Variants in DAB1 observed in about 807,000 individuals in gnomAD.
DAB1 encodes disabled homolog 1.
A neutral mutation model predicts 64.6 loss-of-function variants in DAB1; 15 were observed. The observed-to-expected ratio is 0.23, with a 90% CI of 0.16 to 0.36. DAB1 has a LOEUF of 0.36. Ranked by LOEUF, DAB1 falls within the 10% of genes least tolerant of loss-of-function variation. The pLI is 1.00. For missense variants in DAB1, 596 were observed against 706.7 expected (o/e 0.84, Z 1.78); for synonymous variants, 235 against 251.9 (o/e 0.93, Z 0.64).
chr1:58,514,553 T>G (rs1375122187), intron 2 of DAB1, among the ~76,000 whole-genome samples: 1 of 152,128 alleles, frequency 6.6e-6, no homozygotes, highest in South Asian at 2.1e-4. Flanking sequence ...AATCTGAATC[T>G]TTTTTTAGGA....
At chr1:58,022,216 A>G (rs148573588) in intron 5 of DAB1, among the ~76,000 whole-genome samples, 113 of 152,306 alleles carry the variant, frequency 7.4e-4, no homozygotes, top group Non-Finnish European at 1.2e-3. Flanking sequence ...ATTGAGTGCC[A>G]ACCCATTGCA....
chr1:57,407,221 A>G (rs1015556696), intron 1 of DAB1, among the ~76,000 whole-genome samples: 1 of 152,218 alleles, frequency 6.6e-6, no homozygotes, highest in Non-Finnish European at 1.5e-5. Context: ...ACAAAATGTC[A>G]AACTGTCTCC....
intron 3 of DAB1, among the ~76,000 whole-genome samples, chr1:58,404,000 G>A (rs1447658272): frequency 5.3e-5 from 8 of 152,202 alleles, no homozygotes; most frequent in South Asian, 2.1e-4. Flanking sequence ...AAGATTCCAA[G>A]GAACATTTGT....
intron 6 of DAB1, among the ~76,000 whole-genome samples, chr1:57,686,433 C>T (rs914072643): frequency 3.3e-5 from 5 of 151,950 alleles, no homozygotes; most frequent in African/African-American, 9.7e-5. Flanking sequence ...AAAGAAAAAC[C>T]GCGGACCAGA....
intron 5 of DAB1, among the ~76,000 whole-genome samples, chr1:58,015,409 C>T (rs1646724649): frequency 6.6e-6 from 1 of 152,118 alleles, no homozygotes; most frequent in Admixed American, 6.6e-5. Flanking sequence ...AATTCTGTTT[C>T]TTGACTCTGA....
chr1:58,018,922 G>A (rs1646780074), intron 5 of DAB1, among the ~76,000 whole-genome samples: 2 of 152,184 alleles, frequency 1.3e-5, no homozygotes, highest in Admixed American at 1.3e-4. Flanking sequence ...GAGCATTAAG[G>A]TGACATTTGA....
At chr1:57,054,324 G>A (rs906914727) in intron 9 of DAB1, among the ~76,000 whole-genome samples, 10 of 152,100 alleles carry the variant, frequency 6.6e-5, no homozygotes, top group Non-Finnish European at 1.5e-4. Flanking sequence ...AGGCACTTGA[G>A]TGGCCCTGTG....
intron 4 of DAB1, among the ~76,000 whole-genome samples, chr1:58,249,843 T>C (rs1222103701): frequency 6.6e-6 from 1 of 152,120 alleles, no homozygotes; most frequent in East Asian, 1.9e-4. Flanking sequence ...GGCCACAACT[T>C]GGGCGGCTCT....
chr1:57,938,028 G>C (rs751064734), intron 5 of DAB1, among the ~76,000 whole-genome samples: 1 of 152,212 alleles, frequency 6.6e-6, no homozygotes, highest in Non-Finnish European at 1.5e-5. Context: ...GCCATGTTCA[G>C]AGAACATTCT....
chr1:57,198,794 G>A (rs1228219944), intron 2 of DAB1, among the ~76,000 whole-genome samples: 3 of 152,032 alleles, frequency 2.0e-5, no homozygotes, highest in Non-Finnish European at 4.4e-5. Context: ...TCAAAGGAGA[G>A]AAAAAGGAAA....
At position 58,305,409 on chromosome 1, in the gene DAB1, A is replaced by C. The variant is rs144805090; in HGVS notation, n.309+37943T>G. 2.2e-3 allele frequency among the ~76,000 whole-genome samples: 340 copies of C among 152,334 alleles called. 4 individuals are homozygous for C. Among genetic ancestry groups the C allele is most frequent in the Admixed American group, 5.0e-3 (77 of 15,294 alleles). ...TTATTTTGTTTATTTTTACTGGAAT[A>C]AGTATGTTGCACATGCAGTACTAAA... On this transcript the variant is annotated intron_variant and non_coding_transcript_variant, in intron 4 of 20. Coordinates refer to the DAB1 transcript ENST00000485760.
chr1:57,270,309 C>G (rs115712742), intron 2 of DAB1, among the ~76,000 whole-genome samples: 1 of 152,188 alleles, frequency 6.6e-6, no homozygotes, highest in South Asian at 2.1e-4. Flanking sequence ...GTGGAACAGA[C>G]AGTAGTATTT....
At chr1:58,009,402 A>G (rs111229949) in intron 5 of DAB1, among the ~76,000 whole-genome samples, 106 of 152,314 alleles carry the variant, frequency 7.0e-4, no homozygotes, top group African/African-American at 2.5e-3. Context: ...ACATATTGAC[A>G]AAGGAAAACT....
chr1:57,294,505 A>T (rs955727131), intron 1 of DAB1, among the ~76,000 whole-genome samples: 1 of 152,104 alleles, frequency 6.6e-6, no homozygotes, highest in African/African-American at 2.4e-5. Flanking sequence ...CAGCAGCTAC[A>T]ACAGAACAAA....
intron 1 of DAB1, among the ~76,000 whole-genome samples, chr1:57,336,188 CA>C (rs1183310286): frequency 1.3e-5 from 2 of 152,168 alleles, no homozygotes; most frequent in African/African-American, 4.8e-5. Flanking sequence ...TCAAGTAAGA[CA>C]AGTTTACACA....
chr1:57,937,023 TC>T (rs1212357483), intron 5 of DAB1, among the ~76,000 whole-genome samples: 1 of 151,982 alleles, frequency 6.6e-6, no homozygotes, highest in Non-Finnish European at 1.5e-5. Context: ...TGGGGGGTTG[TC>T]TTTTTTTTAA....
In DAB1 at chr1:57,388,102, C is replaced by T. The variant is rs1295164248; in HGVS notation, c.-137+35828G>A. Among the ~76,000 whole-genome samples, 3 of 152,172 alleles carry T rather than the reference C, an allele frequency of 2.0e-5. No individual in the cohort carries two copies. The East Asian group carries it at 5.8e-4, about 29-fold the overall frequency. On this transcript the variant is annotated intron_variant, in intron 1 of 14. Coordinates refer to ENST00000371236, the MANE Select transcript of DAB1 (RefSeq NM_001365792.1). ...CCTTTTTCACTCATGCAGTTAAGTA[C>T]TCATATTCTTGCATGCATTTTCCTT...
At chr1:58,139,697 G>A (rs1335580510) in intron 5 of DAB1, among the ~76,000 whole-genome samples, 1 of 152,152 alleles carries the variant, frequency 6.6e-6, no homozygotes, top group Non-Finnish European at 1.5e-5. Context: ...AGTCTGATAC[G>A]AAGTCTGTGA....
intron 7 of DAB1, among the ~76,000 whole-genome samples, chr1:57,588,104 G>A (rs1645401635): frequency 6.6e-6 from 1 of 152,184 alleles, no homozygotes; most frequent in African/African-American, 2.4e-5. Context: ...GTTGCTGAAT[G>A]ACTTATGGGG....
Sources: allele counts gnomAD v4.1 joint callset (sites outside exome capture counted in the v4.1 genomes callset), GRCh38; gene constraint gnomAD v4.1.1; transcripts MANE v1.5; gene names NCBI Gene and HGNC (gene_info 2026-07-23, HGNC 2026-07-21).